MYO3B: variants seen among roughly 807,000 people sequenced by gnomAD.
MYO3B encodes the protein myosin-IIIb.
MYO3B carries 156 observed loss-of-function variants against 174.6 expected under a neutral mutation model. The observed-to-expected ratio is 0.89, with a 90% confidence interval of 0.78 to 1.02. The LOEUF is 1.02. Ranked by LOEUF, MYO3B falls within the 50% of genes least tolerant of loss-of-function variation. The probability of loss-of-function intolerance (pLI) is 0.00; values close to 1 mark genes in which losing one functional copy is unlikely to be tolerated. For missense variants in MYO3B, 1,632 were observed against 1,639.4 expected, an observed-to-expected ratio of 1.00 and a Z score of 0.08; for synonymous variants, 563 against 569.1, an observed-to-expected ratio of 0.99 and a Z score of 0.15.
At chr2:170,335,259 G>T in intron 7 of MYO3B, 126 bp from the exon 8 acceptor site, 4 of 713,492 alleles carry the variant, frequency 5.6e-6, no homozygotes, top group Non-Finnish European at 7.1e-6. Context: ...ACTAAAAAAT[G>T]ACTCTCATAT....
Position 170,654,801 on chromosome 2 carries a change from T to C in MYO3B, c.*1680T>C, listed in dbSNP as rs1699198627. The C allele has an allele frequency of 6.6e-6, 1 of 152,066 alleles. No individual in the cohort carries two copies. The highest frequency in any genetic ancestry group is 2.4e-5 in the African/African-American group (1 of 41,410). The allele number at this position is 152,066 out of a possible 1,614,324, so 9.4% of individuals were successfully genotyped here. The stretch of plus-strand genomic sequence containing the variant: ...AAGATAAATAATGAAATGAGGTATT[T>C]AAAGATCTCAGAAATTGTAATTTTA... On this transcript the variant is annotated 3_prime_UTR_variant, in exon 35 of 35. Coordinates refer to ENST00000408978, the MANE Select transcript of MYO3B (RefSeq NM_138995.5).
At chr2:170,535,502 C>T (rs1365890570) in intron 30 of MYO3B, among the ~76,000 whole-genome samples, 1 of 152,200 alleles carries the variant, frequency 6.6e-6, no homozygotes, top group East Asian at 1.9e-4. Flanking sequence ...CCCCAGGTAT[C>T]ATTCATTAAG....
chr2:170,481,921 G>A (rs1685712870), intron 25 of MYO3B, among the ~76,000 whole-genome samples: 1 of 152,132 alleles, frequency 6.6e-6, no homozygotes, highest in African/African-American at 2.4e-5. Flanking sequence ...GTGAAACTTT[G>A]AATGACTTCT....
intron 25 of MYO3B, among the ~76,000 whole-genome samples, chr2:170,489,209 C>A (rs1686270630): frequency 6.6e-6 from 1 of 152,172 alleles, no homozygotes; most frequent in South Asian, 2.1e-4. Flanking sequence ...CTCCTCTGTA[C>A]AAAGAAAGAG....
chr2:170,369,436 T>C, intron 9 of MYO3B, 59 bp downstream of exon 9: 1 of 1,547,512 alleles, frequency 6.5e-7, no homozygotes, highest in South Asian at 1.2e-5. Context: ...TCATGTCATG[T>C]GTTTTGATTT....
In MYO3B at chr2:170,574,482, A is replaced by G. The variant is rs544738738; in HGVS notation, c.3733+30494A>G. ...CATATTTTAAAAGTATTAAGATCAA[A>G]GGTAATGAGAATTTAATCCATATGG... On this transcript the variant is annotated intron_variant, in intron 32 of 34. Coordinates refer to ENST00000408978, the MANE Select transcript of MYO3B (RefSeq NM_138995.5). 7.2e-5 allele frequency among the ~76,000 whole-genome samples: 11 copies of G among 152,312 alleles called. 1 individual carries two copies. The South Asian group carries it at 2.3e-3, about 32-fold the overall frequency.
intron 21 of MYO3B, among the ~76,000 whole-genome samples, chr2:170,406,750 C>G (rs12994125): frequency 0.92 from 140,198 of 152,106 alleles, 64,826 homozygotes; most frequent in Middle Eastern, 0.98. Flanking sequence ...TTTTTTCTGG[C>G]CTCTGTGTCC....
At chr2:170,393,208 C>T (rs546922248) in intron 16 of MYO3B, among the ~76,000 whole-genome samples, 36 of 151,812 alleles carry the variant, frequency 2.4e-4, no homozygotes, top group Non-Finnish European at 4.6e-4. Flanking sequence ...TTCAGCCTCC[C>T]GAGTAGCTGG....
chr2:170,580,578 C>T (rs994992853), intron 32 of MYO3B, among the ~76,000 whole-genome samples: 1 of 152,168 alleles, frequency 6.6e-6, no homozygotes. Flanking sequence ...GCGGAGGTTG[C>T]AGTGAGCTGA....
intron 22 of MYO3B, among the ~76,000 whole-genome samples, chr2:170,442,773 A>T (rs1280500286): frequency 1.3e-5 from 2 of 151,994 alleles, no homozygotes; most frequent in Non-Finnish European, 2.9e-5. Context: ...TGTCCTTGCG[A>T]TAGTTTGCTC....
intron 28 of MYO3B, among the ~76,000 whole-genome samples, chr2:170,506,533 C>T (rs1337476968): frequency 6.6e-6 from 1 of 152,188 alleles, no homozygotes; most frequent in Non-Finnish European, 1.5e-5. Flanking sequence ...GCTGGGGCTC[C>T]CACGGTAAAC....
chr2:170,377,104 G>A (rs2094299401), intron 9 of MYO3B, among the ~76,000 whole-genome samples: 1 of 152,150 alleles, frequency 6.6e-6, no homozygotes. Flanking sequence ...TCACTTTTGG[G>A]CAAAATATGT....
intron 23 of MYO3B, among the ~76,000 whole-genome samples, chr2:170,463,138 A>G (rs1057158463): frequency 6.6e-6 from 1 of 152,260 alleles, no homozygotes; most frequent in Non-Finnish European, 1.5e-5. Flanking sequence ...AGGGGTTTAC[A>G]CTGAAACCAC....
chr2:170,301,798 G>A (rs1292018389), intron 7 of MYO3B, among the ~76,000 whole-genome samples: 1 of 149,442 alleles, frequency 6.7e-6, no homozygotes, highest in African/African-American at 2.5e-5. Context: ...GCCTTTTTTT[G>A]TGTAACAGTA....
intron 8 of MYO3B, 150 bp from the exon 9 acceptor site, chr2:170,369,072 G>T: frequency 3.7e-6 from 2 of 539,918 alleles, no homozygotes; most frequent in South Asian, 4.9e-5. Flanking sequence ...CTGTTTTCTG[G>T]TACATATTAA....
intron 1 of MYO3B, among the ~76,000 whole-genome samples, chr2:170,197,163 A>G (rs2092610419): frequency 6.6e-6 from 1 of 152,080 alleles, no homozygotes; most frequent in South Asian, 2.1e-4. Flanking sequence ...ATCAGCAGCA[A>G]GTGCCCAGTG....
intron 32 of MYO3B, among the ~76,000 whole-genome samples, chr2:170,617,674 C>T (rs564322145): frequency 1.1e-4 from 16 of 152,198 alleles, no homozygotes; most frequent in African/African-American, 3.9e-4. Flanking sequence ...CCCCTTTCCA[C>T]TTAAGAGGAA....
chr2:170,446,527 T>A (rs537737222), intron 23 of MYO3B, among the ~76,000 whole-genome samples: 1 of 152,146 alleles, frequency 6.6e-6, no homozygotes, highest in Non-Finnish European at 1.5e-5. Flanking sequence ...ATGGGTCTGA[T>A]GAAAATGACT....
chr2:170,540,289 A>G (rs1575136999), intron 30 of MYO3B, among the ~76,000 whole-genome samples: 1 of 151,886 alleles, frequency 6.6e-6, no homozygotes, highest in Non-Finnish European at 1.5e-5. Context: ...ATGTCACTGC[A>G]CTCTAGCCTG....
Sources: allele counts gnomAD v4.1 joint callset (sites outside exome capture counted in the v4.1 genomes callset), GRCh38; gene constraint gnomAD v4.1.1; transcripts MANE v1.5; gene names NCBI Gene and HGNC (gene_info 2026-07-23, HGNC 2026-07-21).